Variants in ACSF3 observed in about 807,000 individuals in gnomAD.
ACSF3 encodes the protein acyl-CoA synthetase family member 3.
ACSF3 carries 78 observed loss-of-function variants against 53.2 expected under a neutral mutation model. That is an observed-to-expected ratio of 1.47 (90% CI 1.22 to 1.77). ACSF3 has a LOEUF of 1.77. ACSF3 is among the 40% of genes most tolerant of loss of function. ACSF3 has a pLI of 0.00. For synonymous variants in ACSF3, 414 were observed against 333.1 expected (o/e 1.24, Z -2.65); for missense variants, 937 against 771.1 (o/e 1.22, Z -2.55).
At chr16:89,147,740 G>C (rs1007365545) in intron 10 of ACSF3, 2 of 152,120 alleles carry the variant, frequency 1.3e-5, no homozygotes, top group Non-Finnish European at 2.9e-5. Context: ...ATGAGATTTG[G>C]GTGGGGACAC....
At chr16:89,146,283 A>G (rs1029606291) in intron 10 of ACSF3, among the ~76,000 whole-genome samples, 1 of 151,906 alleles carries the variant, frequency 6.6e-6, no homozygotes, top group African/African-American at 2.4e-5. Flanking sequence ...GGGGGCAGAA[A>G]CTCACATTCC....
chr16:89,105,544 T>C (rs942064023), intron 4 of ACSF3, among the ~76,000 whole-genome samples: 2 of 152,176 alleles, frequency 1.3e-5, no homozygotes, highest in Non-Finnish European at 2.9e-5. Context: ...CTCTCCGCCT[T>C]AAGCTCCTCC....
chr16:89,126,934 G>C (rs1041247278), intron 7 of ACSF3, among the ~76,000 whole-genome samples: 1 of 152,116 alleles, frequency 6.6e-6, no homozygotes, highest in Admixed American at 6.5e-5. Context: ...TATCTATAAT[G>C]TGCTTAGACT....
intron 10 of ACSF3, among the ~76,000 whole-genome samples, chr16:89,147,044 C>A (rs1240919904): frequency 6.6e-6 from 1 of 151,396 alleles, no homozygotes; most frequent in Admixed American, 6.6e-5. Flanking sequence ...ATACAGGAAG[C>A]GTGGCTGGGG....
chr16:89,145,514 C>A, intron 9 of ACSF3, 113 bp downstream of exon 9: 1 of 1,280,822 alleles, frequency 7.8e-7, no homozygotes, highest in Non-Finnish European at 1.1e-6. Context: ...CTGCAGGGGT[C>A]CCTGTGATGC....
chr16:89,117,736 C>T (rs1000531300), intron 6 of ACSF3, among the ~76,000 whole-genome samples: 1 of 152,076 alleles, frequency 6.6e-6, no homozygotes, highest in Non-Finnish European at 1.5e-5. Context: ...AGCTTCCCCA[C>T]GCTGGAATCA....
chr16:89,133,341 C>T (rs1251956884), intron 8 of ACSF3, 79 bp downstream of exon 8: 4 of 1,591,108 alleles, frequency 2.5e-6, no homozygotes, highest in Non-Finnish European at 2.6e-6. Flanking sequence ...TTGAGTGACA[C>T]CGAGGCTGGG....
intron 4 of ACSF3, among the ~76,000 whole-genome samples, chr16:89,107,891 C>T (rs551110801): frequency 4.6e-5 from 7 of 152,250 alleles, no homozygotes; most frequent in African/African-American, 1.4e-4. Flanking sequence ...TGTATTAGTC[C>T]GTGTGCACAC....
rs772127402 is a variant in ACSF3 at position 89,102,606 on chromosome 16, G to A, written c.669G>A (p.Val223=). Residue 223 remains valine, a splice_region_variant and synonymous_variant, in exon 4 of 11, where the codon GTG becomes GTA. Coordinates refer to ENST00000614302, the MANE Select transcript of ACSF3 (RefSeq NM_001243279.3). The part of the protein sequence containing the change: ...LSTHQNIRAV[V]TGLVHKWAWT... ...AGCTGTGCTCTCGTCCCCTGCAGGT[G>A]ACCGGGCTGGTCCACAAGTGGGCAT... is the stretch of plus-strand genomic sequence containing the variant. The A allele has an allele frequency of 6.2e-7, 1 of 1,613,662 alleles. No individual in the cohort carries two copies. Among genetic ancestry groups the A allele is most frequent in the African/African-American group, 1.3e-5 (1 of 75,042 alleles).
chr16:89,155,832 G>A lies in ACSF3; in HGVS notation c.*1625G>A, dbSNP rs952238839. On this transcript the variant is annotated 3_prime_UTR_variant, in exon 11 of 11. Transcript: ENST00000614302. ...TCCTAAAAAGCTTACATAATCATTTGCTTTATCCGATAGTATACATCAGTA... is the reference window on the plus strand; with the variant it reads ...TCCTAAAAAGCTTACATAATCATTTACTTTATCCGATAGTATACATCAGTA... 8 of 452,610 alleles carry A rather than the reference G, an allele frequency of 1.8e-5. No homozygotes were observed. Among genetic ancestry groups the A allele is most frequent in the Admixed American group, 7.1e-5 (3 of 42,320 alleles). 28.0% of individuals were successfully genotyped at this position (452,610 alleles called of 1,614,324 possible).
intron 7 of ACSF3, among the ~76,000 whole-genome samples, chr16:89,128,535 C>T (rs1284598881): frequency 6.6e-6 from 1 of 152,160 alleles, no homozygotes; most frequent in African/African-American, 2.4e-5. Flanking sequence ...GCTGAGATTA[C>T]AGGCATGAGC....
intron 6 of ACSF3, among the ~76,000 whole-genome samples, chr16:89,117,878 G>C (rs1161228540): frequency 9.7e-6 from 1 of 103,210 alleles, no homozygotes; most frequent in African/African-American, 3.3e-5. Context: ...ACCAATCCCC[G>C]AGTCTTCAGC....
Position 89,099,793 on chromosome 16 carries a change from T to C in ACSF3, c.-20-869T>C, listed in dbSNP as rs372776672. On this transcript the variant is annotated intron_variant, in intron 2 of 10. Coordinates refer to ENST00000614302, the MANE Select transcript of ACSF3 (RefSeq NM_001243279.3). ...CAAGACTGCATCTTAGATAGATAGA[T>C]AGATAGACAGAGCGGGTGAGACTCC... 1.5e-4 allele frequency among the ~76,000 whole-genome samples: 22 copies of C among 145,982 alleles called. No individual in the cohort carries two copies. In the East Asian group the frequency reaches 3.8e-3, roughly 26 times the overall value.
At chr16:89,099,738 C>T (rs1975049088) in intron 2 of ACSF3, among the ~76,000 whole-genome samples, 1 of 151,936 alleles carries the variant, frequency 6.6e-6, no homozygotes, top group Non-Finnish European at 1.5e-5. Context: ...GCCCAGATCA[C>T]ACTACTGTAC....
chr16:89,144,831 C>T (rs917081286), intron 8 of ACSF3, among the ~76,000 whole-genome samples: 2 of 152,222 alleles, frequency 1.3e-5, no homozygotes, highest in African/African-American at 4.8e-5. Flanking sequence ...CCACGCATCC[C>T]ACCCATGGCC....
At chr16:89,099,811 G>A (rs1975057563) in intron 2 of ACSF3, among the ~76,000 whole-genome samples, 1 of 151,396 alleles carries the variant, frequency 6.6e-6, no homozygotes, top group African/African-American at 2.4e-5. Flanking sequence ...CAGAGCGGGT[G>A]AGACTCCATC....
chr16:89,099,978 CAAAA>C (rs35740910), intron 2 of ACSF3, among the ~76,000 whole-genome samples: 11 of 142,340 alleles, frequency 7.7e-5, no homozygotes, highest in Admixed American at 1.4e-4. Flanking sequence ...TTGTCTCTAC[CAAAA>C]AAAAAAAAAA....
chr16:89,138,559 G>A (rs771530508), intron 8 of ACSF3, among the ~76,000 whole-genome samples: 8 of 152,196 alleles, frequency 5.3e-5, no homozygotes, highest in Admixed American at 1.3e-4. Context: ...CCTTTCATCC[G>A]GCAGAGGGAC....
intron 3 of ACSF3, chr16:89,102,255 T>G: frequency 1.1e-5 from 4 of 380,758 alleles, no homozygotes; most frequent in Non-Finnish European, 1.5e-5. Context: ...TGGGAGTCGA[T>G]TCCAGCCTGA....
Sources: gnomAD v4.1 joint callset for allele counts (sites outside exome capture counted in the v4.1 genomes callset) on GRCh38, gnomAD v4.1.1 for gene constraint, MANE v1.5 for transcripts, NCBI Gene and HGNC (gene_info 2026-07-23, HGNC 2026-07-21) for gene names.